The following MKKS variants were observed in gnomAD, a reference collection of about 807,000 sequenced individuals.
The protein encoded by MKKS is molecular chaperone MKKS.
MKKS carries 29 observed loss-of-function variants against 33.2 expected under a neutral mutation model. That is an observed-to-expected ratio of 0.87 (90% CI 0.65 to 1.19). MKKS has a LOEUF of 1.19. Among genes scored for constraint, MKKS ranks in the 50% most tolerant of loss-of-function variants. The probability of loss-of-function intolerance (pLI) is 0.00; values close to 1 mark genes in which losing one functional copy is unlikely to be tolerated. For missense variants in MKKS, 661 were observed against 662.3 expected (o/e 1.00, Z 0.02); for synonymous variants, 260 against 244.0 (o/e 1.07, Z -0.61).
In MKKS at chr20:10,413,233, G is replaced by A. The variant is rs769886552; in HGVS notation, c.282C>T (p.Phe94=). ...TCAGGTTGCAGCAAAGAATAGCTGT[G>A]AATAAGCCACAATCACTGAAGCTTG... The part of the protein sequence containing the change: ...HVSSFSDCGL[F]TAILCCNLIE... The change falls in exon 3 of 6, where the codon TTC becomes TTT. Residue 94 remains phenylalanine, a synonymous_variant. Transcript: ENST00000347364. 1.5e-5 allele frequency: 24 copies of A among 1,614,084 alleles called. No homozygotes were observed. In the Admixed American group the frequency reaches 4.0e-4, roughly 27 times the overall value.
intron 3 of MKKS, among the ~76,000 whole-genome samples, chr20:10,411,275 C>T (rs1219535873): frequency 2.6e-5 from 4 of 151,864 alleles, no homozygotes; most frequent in South Asian, 4.2e-4. Flanking sequence ...CATGAGCCAC[C>T]GCCCAGCCCT....
chr20:10,410,701 C>A (rs1190126757), intron 3 of MKKS, among the ~76,000 whole-genome samples: 1 of 152,186 alleles, frequency 6.6e-6, no homozygotes, highest in African/African-American at 2.4e-5. Flanking sequence ...ACCCACTACA[C>A]AACCTATATC....
At chr20:10,423,056 T>C (rs2064992488) in intron 1 of MKKS, among the ~76,000 whole-genome samples, 1 of 152,022 alleles carries the variant, frequency 6.6e-6, no homozygotes, top group South Asian at 2.1e-4. Context: ...CATTCACCAT[T>C]TACTTCTCCA....
chr20:10,422,434 A>G (rs1321408417), intron 1 of MKKS, among the ~76,000 whole-genome samples: 16 of 152,190 alleles, frequency 1.1e-4, no homozygotes, highest in Non-Finnish European at 2.1e-4. Flanking sequence ...TGTGAAGTCC[A>G]AAGGCAAAAG....
intron 1 of MKKS, among the ~76,000 whole-genome samples, chr20:10,426,463 TG>T (rs2065015409): frequency 6.6e-6 from 1 of 152,198 alleles, no homozygotes; most frequent in African/African-American, 2.4e-5. Flanking sequence ...GGGAGCGTAG[TG>T]GTGTGATCTC....
intron 3 of MKKS, among the ~76,000 whole-genome samples, chr20:10,411,891 A>C (rs1402728817): frequency 6.6e-6 from 1 of 152,204 alleles, no homozygotes; most frequent in African/African-American, 2.4e-5. Context: ...AAATACAGTG[A>C]ATTTTTTGCC....
intron 2 of MKKS, among the ~76,000 whole-genome samples, chr20:10,416,019 T>C (rs1157880877): frequency 1.3e-5 from 2 of 152,212 alleles, no homozygotes; most frequent in Non-Finnish European, 2.9e-5. Flanking sequence ...GGCTGGTTTA[T>C]AGAACATGTT....
chr20:10,423,141 T>C (rs980530788), intron 1 of MKKS, among the ~76,000 whole-genome samples: 6 of 152,084 alleles, frequency 3.9e-5, no homozygotes, highest in African/African-American at 1.4e-4. Flanking sequence ...CCCTAGCTTA[T>C]AAAAAGAGAT....
chr20:10,407,843 C>A (rs908971574), intron 4 of MKKS, 117 bp from the exon 5 acceptor site: 1 of 820,496 alleles, frequency 1.2e-6, no homozygotes, highest in Non-Finnish European at 2.0e-6. Flanking sequence ...TACAAAAGAA[C>A]AAAACTTGTG....
chr20:10,433,165 G>T (rs1389916293), intron 1 of MKKS, among the ~76,000 whole-genome samples: 3 of 152,224 alleles, frequency 2.0e-5, no homozygotes, highest in African/African-American at 4.8e-5. Flanking sequence ...CACTGCGCCC[G>T]GCTCATTTTT....
At chr20:10,421,257 T>C (rs1298785630) in intron 1 of MKKS, among the ~76,000 whole-genome samples, 1 of 150,018 alleles carries the variant, frequency 6.7e-6, no homozygotes, top group South Asian at 2.2e-4. Context: ...CAGTGAAACA[T>C]CGTTTCTACT....
chr20:10,416,625 C>A (rs77661514), intron 2 of MKKS, among the ~76,000 whole-genome samples: 76 of 152,288 alleles, frequency 5.0e-4, no homozygotes, highest in African/African-American at 1.8e-3. Flanking sequence ...AGGGATAAAA[C>A]ATTAATCTTG....
chr20:10,429,855 C>T (rs186146788), intron 1 of MKKS, among the ~76,000 whole-genome samples: 2 of 152,286 alleles, frequency 1.3e-5, no homozygotes, highest in East Asian at 1.9e-4. Flanking sequence ...ACTAGAAATG[C>T]AAATTATCAA....
chr20:10,408,625 T>C lies in MKKS; in HGVS notation c.1161+3A>G, dbSNP rs192968747. On this transcript the variant is annotated splice_donor_region_variant and intron_variant, in intron 4 of 5. Coordinates refer to ENST00000347364, the MANE Select transcript of MKKS (RefSeq NM_170784.3). ...CATATGGAATTCAAAGTTCATTACCTACCTTCAGCTCATCCCAGGCAGTGT... is the reference window on the plus strand; with the variant it reads ...CATATGGAATTCAAAGTTCATTACCCACCTTCAGCTCATCCCAGGCAGTGT... 98 of 1,613,902 alleles carry C rather than the reference T, an allele frequency of 6.1e-5. No individual in the cohort carries two copies. The Admixed American group carries it at 1.2e-3, about 20-fold the overall frequency.
chr20:10,414,841 G>C (rs2064925703), intron 2 of MKKS, among the ~76,000 whole-genome samples: 1 of 152,114 alleles, frequency 6.6e-6, no homozygotes, highest in African/African-American at 2.4e-5. Context: ...CCTGGCTAAA[G>C]TCAGAGCTAA....
intron 3 of MKKS, among the ~76,000 whole-genome samples, chr20:10,410,648 T>TAAG (rs557806226): frequency 2.3e-3 from 354 of 152,194 alleles, no homozygotes; most frequent in Admixed American, 3.9e-3. Flanking sequence ...AAAACCTCTG[T>TAAG]AAGCTGCAAT....
intron 2 of MKKS, among the ~76,000 whole-genome samples, chr20:10,414,945 T>C (rs1440728088): frequency 1.3e-5 from 2 of 152,166 alleles, no homozygotes; most frequent in African/African-American, 2.4e-5. Context: ...TGACAGTACA[T>C]GCAAAAACCA....
intron 3 of MKKS, among the ~76,000 whole-genome samples, chr20:10,409,892 A>G (rs1181792132): frequency 7.0e-6 from 1 of 142,586 alleles, no homozygotes; most frequent in African/African-American, 2.6e-5. Flanking sequence ...AATCGCTTGA[A>G]CCTGGGGGGC....
intron 2 of MKKS, among the ~76,000 whole-genome samples, chr20:10,415,038 A>G (rs1441948191): frequency 2.6e-5 from 4 of 152,344 alleles, no homozygotes; most frequent in African/African-American, 9.6e-5. Context: ...ATAAAATGTT[A>G]TATATCAAAA....
Sources: gnomAD v4.1 joint callset for allele counts (sites outside exome capture counted in the v4.1 genomes callset) on GRCh38, gnomAD v4.1.1 for gene constraint, MANE v1.5 for transcripts, NCBI Gene and HGNC (gene_info 2026-07-23, HGNC 2026-07-21) for gene names.